The following GPHN variants were observed in gnomAD, a reference collection of about 807,000 sequenced individuals.
GPHN encodes the protein gephyrin.
Under a neutral mutation model 95.5 loss-of-function variants are expected in GPHN, and 17 were observed. The observed-to-expected ratio is 0.18, with a 90% CI of 0.12 to 0.27. The LOEUF (loss-of-function observed/expected upper bound fraction) is 0.27, where lower values mean the gene tolerates loss of function less well. Ranked by LOEUF, GPHN falls within the 10% of genes least tolerant of loss-of-function variation. The pLI is 1.00. For synonymous variants in GPHN, 320 were observed against 322.5 expected, an observed-to-expected ratio of 0.99 and a Z score of 0.08; for missense variants, 660 against 978.1, an observed-to-expected ratio of 0.67 and a Z score of 4.34.
At chr14:67,168,661 C>T (rs2082420488) in intron 20 of GPHN, among the ~76,000 whole-genome samples, 1 of 152,142 alleles carries the variant, frequency 6.6e-6, no homozygotes, top group South Asian at 2.1e-4. Flanking sequence ...TAATGGCTTT[C>T]AGCTGGCTCT....
intron 5 of GPHN, among the ~76,000 whole-genome samples, chr14:66,905,722 C>T (rs761063704): frequency 6.6e-5 from 10 of 152,060 alleles, no homozygotes; most frequent in East Asian, 1.9e-4. Context: ...GCCCTTGCCC[C>T]GCTCCCTCTC....
the GPHN span, among the ~76,000 whole-genome samples, chr14:67,287,306 G>GT: frequency 0.17 from 26,035 of 149,184 alleles, 3,621 homozygotes; most frequent in East Asian, 0.42. Context: ...CATTTCCTTA[G>GT]TTTTTTTTTT....
intron 21 of GPHN, among the ~76,000 whole-genome samples, chr14:67,171,718 G>A (rs2082609924): frequency 6.6e-6 from 1 of 152,094 alleles, no homozygotes; most frequent in Non-Finnish European, 1.5e-5. Context: ...AAAAACTGAA[G>A]AAGAGCAGCA....
intron 8 of GPHN, among the ~76,000 whole-genome samples, chr14:66,936,691 A>C (rs938165788): frequency 1.3e-5 from 2 of 152,234 alleles, no homozygotes; most frequent in Non-Finnish European, 2.9e-5. Context: ...TATTTAACTT[A>C]TTAAATAATG....
intron 11 of GPHN, among the ~76,000 whole-genome samples, chr14:67,085,331 G>C (rs1018077796): frequency 5.3e-5 from 8 of 152,318 alleles, no homozygotes; most frequent in African/African-American, 1.9e-4. Flanking sequence ...CAAGTGAGCT[G>C]ATATTCTTTT....
chr14:67,569,729 C>T, the GPHN span: 1 of 602,216 alleles, frequency 1.7e-6, no homozygotes, highest in Non-Finnish European at 3.0e-6. Context: ...TGTGAGGGAT[C>T]CTTTACCACA....
intron 8 of GPHN, among the ~76,000 whole-genome samples, chr14:66,940,871 A>G (rs1435909977): frequency 6.6e-6 from 1 of 152,220 alleles, no homozygotes; most frequent in Non-Finnish European, 1.5e-5. Flanking sequence ...GTCCTCCTCC[A>G]ACAAGGGAGA....
the GPHN span, chr14:67,411,927 C>G: frequency 1.2e-5 from 14 of 1,215,516 alleles, no homozygotes; most frequent in Admixed American, 2.4e-5. Context: ...CAGAGCATGC[C>G]CGTTCCGGGG....
chr14:67,233,268 A>G, the GPHN span, among the ~76,000 whole-genome samples: 15 of 152,108 alleles, frequency 9.9e-5, no homozygotes, highest in East Asian at 9.7e-4. Flanking sequence ...CAGCCTCCCA[A>G]GTAGCTGGGA....
chr14:67,670,012 C>T, the GPHN span, among the ~76,000 whole-genome samples: 1 of 152,186 alleles, frequency 6.6e-6, no homozygotes, highest in Non-Finnish European at 1.5e-5. Context: ...GGAGGATCAC[C>T]TGAGCCCGGG....
chr14:67,602,865 CAT>C, the GPHN span, among the ~76,000 whole-genome samples: 1 of 152,110 alleles, frequency 6.6e-6, no homozygotes, highest in Non-Finnish European at 1.5e-5. Context: ...TAAAGAGAAA[CAT>C]ATCACTGTAA....
At chr14:67,108,134 C>G (rs2078153254) in intron 13 of GPHN, among the ~76,000 whole-genome samples, 1 of 152,182 alleles carries the variant, frequency 6.6e-6, no homozygotes, top group South Asian at 2.1e-4. Flanking sequence ...AGTGAGATTT[C>G]CTTACCACAT....
At chr14:66,725,684 A>G (rs1287807565) in intron 2 of GPHN, among the ~76,000 whole-genome samples, 3 of 152,206 alleles carry the variant, frequency 2.0e-5, no homozygotes, top group Non-Finnish European at 4.4e-5. Flanking sequence ...GGGTTTTACC[A>G]TGTTGGTCAA....
At chr14:66,637,021 T>A (rs1034396759) in intron 1 of GPHN, among the ~76,000 whole-genome samples, 3 of 152,216 alleles carry the variant, frequency 2.0e-5, no homozygotes, top group African/African-American at 7.2e-5. Flanking sequence ...TTGTCAGATC[T>A]AACTGTAGTT....
chr14:66,701,671 A>T (rs1177385021), intron 2 of GPHN, among the ~76,000 whole-genome samples: 1 of 152,154 alleles, frequency 6.6e-6, no homozygotes, highest in Admixed American at 6.5e-5. Context: ...GGATCAGAAG[A>T]TCACACTCGT....
chr14:67,425,127 C>T, the GPHN span, among the ~76,000 whole-genome samples: 3 of 152,112 alleles, frequency 2.0e-5, no homozygotes, highest in Admixed American at 6.5e-5. Flanking sequence ...CTCTGTTGCC[C>T]AGGCTGGAAT....
At chr14:66,630,441 A>T (rs1318426808) in intron 1 of GPHN, among the ~76,000 whole-genome samples, 1 of 152,114 alleles carries the variant, frequency 6.6e-6, no homozygotes, top group Non-Finnish European at 1.5e-5. Context: ...AAGAATGGCA[A>T]GTTTAATGTT....
At chr14:66,964,807 G>T (rs2153587328) in intron 8 of GPHN, among the ~76,000 whole-genome samples, 1 of 152,254 alleles carries the variant, frequency 6.6e-6, no homozygotes, top group Admixed American at 6.5e-5. Context: ...ATACAGGTCA[G>T]CTTAGAGAAG....
At chr14:67,075,355 T>A (rs1489304167) in intron 11 of GPHN, among the ~76,000 whole-genome samples, 3 of 152,186 alleles carry the variant, frequency 2.0e-5, no homozygotes, top group African/African-American at 7.2e-5. Context: ...AATATAACTA[T>A]TATTGATATT....
Sources: gnomAD v4.1 joint callset for allele counts (sites outside exome capture counted in the v4.1 genomes callset) on GRCh38, gnomAD v4.1.1 for gene constraint, MANE v1.5 for transcripts, NCBI Gene and HGNC (gene_info 2026-07-23, HGNC 2026-07-21) for gene names.